COLEC10: variants seen among roughly 807,000 people sequenced by gnomAD.
The protein encoded by COLEC10 is collectin-10.
COLEC10 carries 22 observed loss-of-function variants against 28.4 expected under a neutral mutation model. The observed-to-expected ratio is 0.78, with a 90% CI of 0.55 to 1.11. COLEC10 has a LOEUF of 1.11. COLEC10 is among the 50% of genes least tolerant of loss of function. The probability of loss-of-function intolerance (pLI) is 0.00; values close to 1 mark genes in which losing one functional copy is unlikely to be tolerated. For synonymous variants in COLEC10, 125 were observed against 116.1 expected, an observed-to-expected ratio of 1.08 and a Z score of -0.49; for missense variants, 361 against 344.1, an observed-to-expected ratio of 1.05 and a Z score of -0.39.
the COLEC10 span, among the ~76,000 whole-genome samples, chr8:118,955,341 A>T: frequency 1.3e-5 from 2 of 152,214 alleles, no homozygotes; most frequent in African/African-American, 2.4e-5. Context: ...AGGTAAAGTT[A>T]TCTAGCTGAC....
intron 2 of COLEC10, among the ~76,000 whole-genome samples, chr8:119,050,762 T>C (rs554977689): frequency 6.6e-6 from 1 of 152,228 alleles, no homozygotes; most frequent in South Asian, 2.1e-4. Context: ...TCAGTGATTC[T>C]GTCCTAAAAT....
Position 119,067,403 on chromosome 8 carries a change from C to T in COLEC10, c.122C>T (p.Thr41Ile). The change falls in exon 1 of 6, where the codon ACA becomes ATA. Residue 41 changes from threonine (T) to isoleucine (I), a missense_variant. By Grantham distance (89) the Thr-to-Ile change is moderately conservative. Coordinates refer to ENST00000332843, the MANE Select transcript of COLEC10 (RefSeq NM_006438.5). Reference protein sequence around the residue: ...DSRPTAEVCATHTISPGPKGD... With the variant: ...DSRPTAEVCAIHTISPGPKGD... Reference sequence around the variant, plus strand: ...CGTCCTACCGCTGAAGTCTGTGCCACACACACAATTTCACCAGGACCCAAA... The same window carrying T: ...CGTCCTACCGCTGAAGTCTGTGCCATACACACAATTTCACCAGGACCCAAA... The T allele has an allele frequency of 5.0e-6, 8 of 1,613,972 alleles. No homozygotes were observed. Among genetic ancestry groups the T allele is most frequent in the African/African-American group, 1.3e-5 (1 of 75,030 alleles).
At chr8:119,013,542 C>T (rs1480316887) in intron 2 of COLEC10, among the ~76,000 whole-genome samples, 1 of 150,852 alleles carries the variant, frequency 6.6e-6, no homozygotes, top group Non-Finnish European at 1.5e-5. Flanking sequence ...TGATTTTCTG[C>T]TTCCTTTATC....
intron 2 of COLEC10, among the ~76,000 whole-genome samples, chr8:119,027,264 A>G (rs992534168): frequency 1.3e-5 from 2 of 152,168 alleles, no homozygotes; most frequent in Admixed American, 6.5e-5. Context: ...AACCTATATC[A>G]AAAGATATAA....
At chr8:119,089,924 G>T (rs1373824937) in intron 2 of COLEC10, among the ~76,000 whole-genome samples, 173 bp downstream of exon 2, 1 of 152,158 alleles carries the variant, frequency 6.6e-6, no homozygotes, top group African/African-American at 2.4e-5. Flanking sequence ...GAGATTACCT[G>T]TCAACAAGAC....
the COLEC10 span, among the ~76,000 whole-genome samples, chr8:118,957,249 T>G: frequency 2.6e-5 from 4 of 152,192 alleles, no homozygotes; most frequent in African/African-American, 4.8e-5. Context: ...AAGCTTACAG[T>G]CAAGCTGGAG....
At chr8:119,100,716 A>G (rs572946414) in intron 3 of COLEC10, among the ~76,000 whole-genome samples, 2 of 152,284 alleles carry the variant, frequency 1.3e-5, no homozygotes, top group South Asian at 4.2e-4. Flanking sequence ...AGACTATGTT[A>G]TCTCTCTGTT....
chr8:119,063,436 A>G (rs927336076), upstream of COLEC10, among the ~76,000 whole-genome samples: 3 of 152,192 alleles, frequency 2.0e-5, no homozygotes, highest in Non-Finnish European at 4.4e-5. Flanking sequence ...TGCCTTTGAC[A>G]GTTTATGGTG....
At chr8:119,005,110 G>A (rs1183144502) in intron 1 of COLEC10, among the ~76,000 whole-genome samples, 1 of 152,052 alleles carries the variant, frequency 6.6e-6, no homozygotes, top group African/African-American at 2.4e-5. Context: ...GGTCTTTTAA[G>A]TGTCCAGCTT....
chr8:119,017,310 A>G (rs1274362682), intron 2 of COLEC10, among the ~76,000 whole-genome samples: 3 of 152,186 alleles, frequency 2.0e-5, no homozygotes, highest in African/African-American at 7.2e-5. Context: ...ACTGTTAATT[A>G]TAAGGCAATA....
chr8:119,074,865 G>T (rs1815195690), intron 1 of COLEC10, among the ~76,000 whole-genome samples: 1 of 152,162 alleles, frequency 6.6e-6, no homozygotes, highest in Admixed American at 6.5e-5. Context: ...TTGCATGAGT[G>T]AAAACACAGA....
chr8:118,997,334 T>C (rs4876434), intron 1 of COLEC10, among the ~76,000 whole-genome samples: 7,029 of 152,294 alleles, frequency 0.046, 242 homozygotes, highest in East Asian at 0.12. Context: ...TGTCTATTCT[T>C]GCTTTTGTTA....
chr8:119,084,075 A>T (rs1466416108), intron 1 of COLEC10, among the ~76,000 whole-genome samples: 1 of 152,226 alleles, frequency 6.6e-6, no homozygotes, highest in Non-Finnish European at 1.5e-5. Context: ...ATTAAAAGAC[A>T]TACAAAGAAA....
the COLEC10 span, among the ~76,000 whole-genome samples, chr8:118,962,579 T>C: frequency 6.6e-6 from 1 of 152,176 alleles, no homozygotes; most frequent in Non-Finnish European, 1.5e-5. Flanking sequence ...TCCCAACCAT[T>C]CCTTGCATTT....
Position 119,108,211 on chromosome 8 carries a change from C to G in COLEC10, c.*2020C>G, listed in dbSNP as rs184430099. ...AAAGTAGGACATCAAACGCCAGTAT[C>G]CTTGGATAGAAAGCCATCCCAGATC... On this transcript the variant is annotated 3_prime_UTR_variant, in exon 6 of 6. Transcript: ENST00000332843. Among the ~76,000 whole-genome samples the G allele has an allele frequency of 6.6e-6, 1 of 152,230 alleles. No individual in the cohort carries two copies. The highest frequency in any genetic ancestry group is 6.5e-5 in the Admixed American group (1 of 15,284).
chr8:119,074,175 A>G (rs1404454282), intron 1 of COLEC10, among the ~76,000 whole-genome samples: 1 of 152,098 alleles, frequency 6.6e-6, no homozygotes, highest in Non-Finnish European at 1.5e-5. Flanking sequence ...CCTAGAGACA[A>G]TTAATGGGTA....
At chr8:119,030,007 G>A (rs1563721983) in intron 2 of COLEC10, among the ~76,000 whole-genome samples, 2 of 152,192 alleles carry the variant, frequency 1.3e-5, no homozygotes, top group Admixed American at 6.5e-5. Flanking sequence ...GTAGGAAAAT[G>A]TCCCTACTCA....
chr8:118,979,585 T>C, the COLEC10 span, among the ~76,000 whole-genome samples: 1 of 152,104 alleles, frequency 6.6e-6, no homozygotes, highest in Non-Finnish European at 1.5e-5. Flanking sequence ...TTTGTAAATA[T>C]GCTTGTTATA....
chr8:118,986,143 A>T, the COLEC10 span, among the ~76,000 whole-genome samples: 5 of 152,168 alleles, frequency 3.3e-5, no homozygotes, highest in Non-Finnish European at 7.4e-5. Flanking sequence ...TCCAAACAAA[A>T]CCAAAGCAAA....
Sources: gnomAD v4.1 joint callset for allele counts (sites outside exome capture counted in the v4.1 genomes callset) on GRCh38, gnomAD v4.1.1 for gene constraint, MANE v1.5 for transcripts, NCBI Gene and HGNC (gene_info 2026-07-23, HGNC 2026-07-21) for gene names.